HMCN1: variants seen among roughly 807,000 people sequenced by gnomAD.
HMCN1 encodes the protein hemicentin-1.
A neutral mutation model predicts 625.9 loss-of-function variants in HMCN1; 321 were observed. That is an observed-to-expected ratio of 0.51 (90% CI 0.47 to 0.56). The LOEUF (loss-of-function observed/expected upper bound fraction) is 0.56. HMCN1 is among the 20% of genes least tolerant of loss of function. The pLI is 0.00. For synonymous variants in HMCN1, 2,425 were observed against 2,417.6 expected (o/e 1.00, Z -0.09); for missense variants, 6,588 against 6,887.3 (o/e 0.96, Z 1.54).
In HMCN1 at chr1:186,190,868, G is replaced by T. The variant is rs1269161724; in HGVS notation, c.*990G>T. On this transcript the variant is annotated 3_prime_UTR_variant, in exon 107 of 107. Coordinates refer to ENST00000271588, the MANE Select transcript of HMCN1 (RefSeq NM_031935.3). ...GCATTTTCTATATAATATCTTGATG[G>T]ACTCTTTTATAAAATTATTTTATAA... 1 of 186,760 alleles carries T rather than the reference G, an allele frequency of 5.4e-6. No individual in the cohort carries two copies. Among genetic ancestry groups the T allele is most frequent in the South Asian group, 2.0e-4 (1 of 5,128 alleles). The allele number at this position is 186,760 out of a possible 1,614,324, so 11.6% of individuals were successfully genotyped here.
intron 1 of HMCN1, among the ~76,000 whole-genome samples, chr1:185,844,636 T>A (rs1481734739): frequency 4.6e-5 from 7 of 152,304 alleles, no homozygotes; most frequent in South Asian, 2.1e-4. Context: ...ACGTTATAGT[T>A]TCGAATGAGT....
chr1:185,872,521 A>G (rs536095196), intron 4 of HMCN1, among the ~76,000 whole-genome samples: 1 of 152,288 alleles, frequency 6.6e-6, no homozygotes, highest in Non-Finnish European at 1.5e-5. Flanking sequence ...AAGAGTACAT[A>G]GTACATAATA....
At chr1:185,984,359 T>C in intron 19 of HMCN1, 46 bp downstream of exon 19, 1 of 1,569,656 alleles carries the variant, frequency 6.4e-7, no homozygotes. Context: ...GTGTTCAAAG[T>C]AGTTGTTCTT....
In HMCN1 at chr1:186,152,658, G is replaced by C. The variant is rs1259746339; in HGVS notation, c.14897-92G>C. The C allele has an allele frequency of 2.0e-6, 3 of 1,508,700 alleles. No individual in the cohort carries two copies. The East Asian group carries it at 6.8e-5, about 34-fold the overall frequency. The allele number at this position is 1,508,700 out of a possible 1,614,324, so 93.5% of individuals were successfully genotyped here. On this transcript the variant is annotated intron_variant, in intron 95 of 106. Transcript: ENST00000271588. ...ACTTATTCAAGTTTGAACTCAAAAA[G>C]CATAGCTGAACTGGTATGTAAGGTA...
chr1:185,939,743 T>C (rs1382046254), intron 11 of HMCN1, among the ~76,000 whole-genome samples: 3 of 152,144 alleles, frequency 2.0e-5, no homozygotes, highest in African/African-American at 7.2e-5. Flanking sequence ...ATTGAGAATG[T>C]GCCTTATCGC....
At chr1:186,110,822 C>CA (rs1558231057) in intron 71 of HMCN1, among the ~76,000 whole-genome samples, 1 of 151,604 alleles carries the variant, frequency 6.6e-6, no homozygotes, top group Non-Finnish European at 1.5e-5. Flanking sequence ...TATTCATACC[C>CA]AAGGTGGGGG....
intron 13 of HMCN1, among the ~76,000 whole-genome samples, chr1:185,964,413 C>T (rs908239012): frequency 8.5e-5 from 13 of 152,088 alleles, no homozygotes; most frequent in African/African-American, 3.1e-4. Flanking sequence ...ATAATATACT[C>T]AGATCCAGGT....
intron 1 of HMCN1, among the ~76,000 whole-genome samples, chr1:185,837,270 A>G (rs2102301407): frequency 6.6e-6 from 1 of 152,128 alleles, no homozygotes; most frequent in Non-Finnish European, 1.5e-5. Flanking sequence ...GTTTATCATG[A>G]CACTAGTTTG....
At chr1:185,752,205 TAGG>T (rs1196903993) in intron 1 of HMCN1, among the ~76,000 whole-genome samples, 1 of 152,158 alleles carries the variant, frequency 6.6e-6, no homozygotes, top group Non-Finnish European at 1.5e-5. Flanking sequence ...CAACTTCTCT[TAGG>T]AGATTTTTTT....
At chr1:186,068,342 A>C (rs1490583256) in intron 50 of HMCN1, among the ~76,000 whole-genome samples, 1 of 152,148 alleles carries the variant, frequency 6.6e-6, no homozygotes, top group Non-Finnish European at 1.5e-5. Context: ...TTAAATATTA[A>C]CTCTCCTTCA....
At chr1:185,903,258 C>G (rs1665916074) in intron 4 of HMCN1, among the ~76,000 whole-genome samples, 2 of 151,702 alleles carry the variant, frequency 1.3e-5, no homozygotes, top group South Asian at 4.2e-4. Context: ...AAACTTTGAT[C>G]ATGTAGAAGG....
intron 6 of HMCN1, among the ~76,000 whole-genome samples, chr1:185,915,412 C>T (rs535031351): frequency 8.5e-5 from 13 of 152,066 alleles, no homozygotes; most frequent in Non-Finnish European, 1.3e-4. Flanking sequence ...AAAGGAAACT[C>T]CCTGCAAAGA....
chr1:186,151,112 G>A lies in HMCN1; in HGVS notation c.14609-88G>A, dbSNP rs890497672. Reference sequence around the variant, plus strand: ...TTTGATGTTTGAGAAAAGATTTGTAGCATCTCTGAATACTGGCCCTCTTTT... The same window carrying A: ...TTTGATGTTTGAGAAAAGATTTGTAACATCTCTGAATACTGGCCCTCTTTT... On this transcript the variant is annotated intron_variant, in intron 93 of 106. Transcript: ENST00000271588. 10 of 1,271,314 alleles carry A rather than the reference G, an allele frequency of 7.9e-6. No individual in the cohort carries two copies. In the South Asian group the frequency reaches 9.9e-5, roughly 13 times the overall value. 78.8% of individuals were successfully genotyped at this position (1,271,314 alleles called of 1,614,324 possible). A position where few individuals can be genotyped will look rare whatever the true frequency, so the allele number is the denominator to read the frequency against.
intron 4 of HMCN1, among the ~76,000 whole-genome samples, chr1:185,886,481 A>C (rs1040318544): frequency 2.0e-5 from 3 of 152,088 alleles, no homozygotes; most frequent in Non-Finnish European, 2.9e-5. Flanking sequence ...TCTCATTATA[A>C]GTCTTTTTAA....
chr1:185,852,505 A>G (rs554831069), intron 2 of HMCN1, among the ~76,000 whole-genome samples: 2 of 151,760 alleles, frequency 1.3e-5, no homozygotes, highest in Non-Finnish European at 2.9e-5. Flanking sequence ...ATGATTAGAC[A>G]TGATTCAACT....
intron 36 of HMCN1, among the ~76,000 whole-genome samples, chr1:186,034,820 T>C (rs1558162118): frequency 6.6e-6 from 1 of 152,166 alleles, no homozygotes; most frequent in African/African-American, 2.4e-5. Flanking sequence ...AAGGTTGATT[T>C]TGACAATGTT....
Position 186,146,840 on chromosome 1 carries a change from T to C in HMCN1, c.14608+917T>C, listed in dbSNP as rs369653428. On this transcript the variant is annotated intron_variant, in intron 93 of 106. Coordinates refer to ENST00000271588, the MANE Select transcript of HMCN1 (RefSeq NM_031935.3). The stretch of plus-strand genomic sequence containing the variant: ...AGTGGCATCAGGAGGTCCAAATAGG[T>C]TGACAGTTTGGGTTGCAGAATCTGG... Among the ~76,000 whole-genome samples the C allele has an allele frequency of 1.1e-3, 166 of 152,120 alleles. 2 individuals carry two copies. Among genetic ancestry groups the C allele is most frequent in the East Asian group, 5.6e-3 (29 of 5,168 alleles).
At position 186,091,004 on chromosome 1, in the gene HMCN1, G is replaced by A. The variant is rs558343500; in HGVS notation, c.9887+87G>A. 211 of 1,410,950 alleles carry A rather than the reference G, an allele frequency of 1.5e-4. 1 individual carries two copies. The highest frequency in any genetic ancestry group is 7.1e-4 in the South Asian group (60 of 84,306). The allele number at this position is 1,410,950 out of a possible 1,614,324, so 87.4% of individuals were successfully genotyped here. On this transcript the variant is annotated intron_variant, in intron 64 of 106. Transcript: ENST00000271588. ...CAAATTTCACATGAATAATAATACCGAATTCCATCCCATTGGAACTTAGCT... is the reference window on the plus strand; with the variant it reads ...CAAATTTCACATGAATAATAATACCAAATTCCATCCCATTGGAACTTAGCT...
chr1:186,078,202 T>C lies in HMCN1; in HGVS notation c.8581T>C (p.Tyr2861His). The C allele has an allele frequency of 6.2e-7, 1 of 1,610,788 alleles. No individual in the cohort carries two copies. The highest frequency in any genetic ancestry group is 8.5e-7 in the Non-Finnish European group (1 of 1,177,238). Reference sequence around the variant, plus strand: ...TGAGGCTGGAGAAGATTCCCTTCAATATGATGTCCGTGTACTCGGTGAGTT... The same window carrying C: ...TGAGGCTGGAGAAGATTCCCTTCAACATGATGTCCGTGTACTCGGTGAGTT... ...VNEAGEDSLQYDVRVLVPPII... is the reference protein window; with the variant it reads ...VNEAGEDSLQHDVRVLVPPII... Residue 2861 changes from tyrosine to histidine, a missense_variant, in exon 55 of 107, where the codon TAT becomes CAT. By Grantham distance (83) the Tyr-to-His change is moderately conservative. Around this residue, in one of 3 missense-constraint regions of HMCN1, gnomAD observed 4,628 missense variants for 4,853.1 expected, o/e 0.95. Coordinates refer to ENST00000271588, the MANE Select transcript of HMCN1 (RefSeq NM_031935.3).
Sources: allele counts gnomAD v4.1 joint callset (sites outside exome capture counted in the v4.1 genomes callset), GRCh38; gene constraint gnomAD v4.1.1; regional missense constraint gnomAD v4.1.1; transcripts MANE v1.5; gene names NCBI Gene and HGNC (gene_info 2026-07-23, HGNC 2026-07-21).